The following GALNTL6 variants were observed in gnomAD, a reference collection of about 807,000 sequenced individuals.
The protein encoded by GALNTL6 is polypeptide N-acetylgalactosaminyltransferase like 6, also known as polypeptide N-acetylgalactosaminyltransferase-like 6.
In GALNTL6, 46 loss-of-function variants were observed where a neutral mutation model predicts 73.7. The ratio of observed to expected loss-of-function variants is 0.62; its 90% CI spans 0.49 to 0.80. The LOEUF is 0.80. Ranked by LOEUF, GALNTL6 falls within the 30% of genes least tolerant of loss-of-function variation. GALNTL6 has a pLI of 0.00. For synonymous variants in GALNTL6, 259 were observed against 263.7 expected (o/e 0.98, Z 0.17); for missense variants, 604 against 755.0 (o/e 0.80, Z 2.34).
intron 2 of GALNTL6, among the ~76,000 whole-genome samples, chr4:172,156,148 TGTAAACAGGAA>T (rs915276019): frequency 5.3e-5 from 8 of 152,048 alleles, no homozygotes; most frequent in African/African-American, 1.9e-4. Context: ...TATAGTCCTC[TGTAAACAGGAA>T]GTGTCCGAGT....
At chr4:172,156,285 A>G (rs1254582892) in intron 2 of GALNTL6, among the ~76,000 whole-genome samples, 1 of 151,884 alleles carries the variant, frequency 6.6e-6, no homozygotes, top group African/African-American at 2.4e-5. Context: ...AGTGGCCTTG[A>G]GCCTTGGGGC....
intron 2 of GALNTL6, among the ~76,000 whole-genome samples, chr4:172,095,439 TA>T (rs1376053895): frequency 6.6e-5 from 10 of 152,142 alleles, no homozygotes; most frequent in Admixed American, 3.9e-4. Flanking sequence ...AAAGCTGTGC[TA>T]TGGGCAGAAA....
chr4:172,772,840 G>A (rs1357448773), intron 5 of GALNTL6, among the ~76,000 whole-genome samples: 5 of 152,088 alleles, frequency 3.3e-5, no homozygotes, highest in African/African-American at 1.2e-4. Flanking sequence ...TATTATCATG[G>A]ATTATCCAAG....
chr4:172,584,700 T>A (rs1737333792), intron 5 of GALNTL6, among the ~76,000 whole-genome samples: 1 of 152,190 alleles, frequency 6.6e-6, no homozygotes, highest in African/African-American at 2.4e-5. Flanking sequence ...GGAGGAAGAA[T>A]GAATTCAGTT....
chr4:171,881,946 G>A (rs1736463223), intron 2 of GALNTL6, among the ~76,000 whole-genome samples: 1 of 152,164 alleles, frequency 6.6e-6, no homozygotes, highest in Admixed American at 6.6e-5. Flanking sequence ...AATGCTTTTA[G>A]TAATTGCTTT....
At chr4:172,554,205 T>G (rs1364233591) in intron 5 of GALNTL6, among the ~76,000 whole-genome samples, 2 of 152,194 alleles carry the variant, frequency 1.3e-5, no homozygotes, top group Non-Finnish European at 2.9e-5. Context: ...GGAAACTATG[T>G]AAGATTAAGT....
chr4:172,077,761 G>T (rs1579115288), intron 2 of GALNTL6, among the ~76,000 whole-genome samples: 2 of 152,100 alleles, frequency 1.3e-5, no homozygotes, highest in East Asian at 1.9e-4. Context: ...CATAAGTAAA[G>T]AGGAGTCAAA....
chr4:172,356,261 G>A (rs1216519150), intron 5 of GALNTL6, among the ~76,000 whole-genome samples: 1 of 152,116 alleles, frequency 6.6e-6, no homozygotes, highest in Non-Finnish European at 1.5e-5. Flanking sequence ...ACCATTTTAT[G>A]CATGTTGGGC....
chr4:172,121,257 T>TTGTGTGTG (rs375731048), intron 2 of GALNTL6, among the ~76,000 whole-genome samples: 7,837 of 142,340 alleles, frequency 0.055, 301 homozygotes, highest in South Asian at 0.16. Flanking sequence ...TCAAGAAGCA[T>TTGTGTGTG]TGTGTGTGTG....
intron 5 of GALNTL6, among the ~76,000 whole-genome samples, chr4:172,773,668 T>G (rs1738906564): frequency 6.6e-6 from 1 of 151,844 alleles, no homozygotes; most frequent in Admixed American, 6.6e-5. Flanking sequence ...TAAATGTAAA[T>G]TATTTGAACA....
At chr4:172,414,387 A>G (rs1744547307) in intron 5 of GALNTL6, among the ~76,000 whole-genome samples, 1 of 152,216 alleles carries the variant, frequency 6.6e-6, no homozygotes, top group African/African-American at 2.4e-5. Context: ...CAGATTTGAT[A>G]TAATTATGAA....
Position 171,880,321 on chromosome 4 carries a change from A to G in GALNTL6, c.138+65603A>G, listed in dbSNP as rs576878775. On this transcript the variant is annotated intron_variant, in intron 2 of 12. Transcript: ENST00000506823. ...TCTAAGTAGGTCTCTAAGGAATGCC[A>G]GTAATGTTTCCTGAAACAGTCATGC... Among the ~76,000 whole-genome samples the G allele has an allele frequency of 2.2e-4, 34 of 152,332 alleles. No homozygotes were observed. The South Asian group carries it at 7.0e-3, about 32-fold the overall frequency.
chr4:172,772,144 G>A (rs1369557638), intron 5 of GALNTL6, among the ~76,000 whole-genome samples: 4 of 152,182 alleles, frequency 2.6e-5, no homozygotes, highest in African/African-American at 9.7e-5. Context: ...ATCATGAGAA[G>A]AGCATGGGAA....
At chr4:172,165,986 C>A (rs1254284281) in intron 2 of GALNTL6, among the ~76,000 whole-genome samples, 1 of 152,062 alleles carries the variant, frequency 6.6e-6, no homozygotes, top group Non-Finnish European at 1.5e-5. Context: ...AAAATAAATT[C>A]TGTTAAAAAT....
In GALNTL6 at chr4:172,139,059, G is replaced by A. The variant is rs141661832; in HGVS notation, c.139-90597G>A. On this transcript the variant is annotated intron_variant, in intron 2 of 12. Coordinates refer to ENST00000506823, the MANE Select transcript of GALNTL6 (RefSeq NM_001034845.3). ...TGGAAGGGAAAGGTGGCAGACAAAA[G>A]GAACAGAAAAATTAACTGTTACTTA... 5.5e-4 allele frequency among the ~76,000 whole-genome samples: 84 copies of A among 152,200 alleles called. 1 individual carries two copies. The East Asian group carries it at 0.016, about 28-fold the overall frequency.
chr4:172,438,174 A>G (rs999062761), intron 5 of GALNTL6, among the ~76,000 whole-genome samples: 12 of 152,072 alleles, frequency 7.9e-5, no homozygotes, highest in Admixed American at 1.3e-4. Flanking sequence ...GGTAATTTCA[A>G]TATTTACAAT....
intron 2 of GALNTL6, among the ~76,000 whole-genome samples, chr4:171,903,286 G>A (rs7662744): frequency 0.036 from 5,484 of 152,022 alleles, 298 homozygotes; most frequent in African/African-American, 0.12. Context: ...GTGGGTGCGC[G>A]CACCGTGCGC....
chr4:172,082,763 G>A (rs1348110345), intron 2 of GALNTL6, among the ~76,000 whole-genome samples: 3 of 152,258 alleles, frequency 2.0e-5, no homozygotes, highest in South Asian at 2.1e-4. Context: ...CAGCAGAGTC[G>A]TGAAGCTCAA....
At chr4:172,466,702 G>A (rs1579098323) in intron 5 of GALNTL6, among the ~76,000 whole-genome samples, 1 of 152,288 alleles carries the variant, frequency 6.6e-6, no homozygotes, top group East Asian at 1.9e-4. Flanking sequence ...AGCTCAGATT[G>A]GACCATGAAC....
Sources: allele counts gnomAD v4.1 joint callset (sites outside exome capture counted in the v4.1 genomes callset), GRCh38; gene constraint gnomAD v4.1.1; transcripts MANE v1.5; gene names NCBI Gene and HGNC (gene_info 2026-07-23, HGNC 2026-07-21).